LMBR1: variants seen among roughly 807,000 people sequenced by gnomAD.
LMBR1 encodes limb region 1 protein homolog.
LMBR1 carries 52 observed loss-of-function variants against 73.9 expected under a neutral mutation model. The observed-to-expected ratio is 0.70, with a 90% confidence interval of 0.56 to 0.89. The LOEUF (loss-of-function observed/expected upper bound fraction) is 0.89. Among genes scored for constraint, LMBR1 ranks in the 40% least tolerant of loss-of-function variants. LMBR1 has a pLI of 0.00. For synonymous variants in LMBR1, 215 were observed against 209.4 expected (o/e 1.03, Z -0.23); for missense variants, 539 against 579.8 (o/e 0.93, Z 0.72).
rs1257029264 is a variant in LMBR1 at position 156,888,229 on chromosome 7, T to G, written c.66+4699A>C. Among the ~76,000 whole-genome samples, 3 of 151,494 alleles carry G rather than the reference T, an allele frequency of 2.0e-5. No homozygotes were observed. In the East Asian group the frequency reaches 5.9e-4, roughly 30 times the overall value. ...ATCAAGACCTTCCTGGCTAACATGG[T>G]GAAACCCCGTCTCTACTAAAAATAC... is the stretch of plus-strand genomic sequence containing the variant. On this transcript the variant is annotated intron_variant, in intron 1 of 16. Coordinates refer to ENST00000353442, the MANE Select transcript of LMBR1 (RefSeq NM_022458.4).
chr7:156,819,450 GATATA>G (rs1383257776), intron 4 of LMBR1, among the ~76,000 whole-genome samples: 2 of 152,066 alleles, frequency 1.3e-5, no homozygotes, highest in African/African-American at 4.8e-5. Context: ...TATTCCTAAT[GATATA>G]ATTATAATGA....
intron 4 of LMBR1, among the ~76,000 whole-genome samples, chr7:156,799,889 T>C (rs1483522212): frequency 6.6e-6 from 1 of 152,216 alleles, no homozygotes; most frequent in African/African-American, 2.4e-5. Context: ...TTTTGTGCTC[T>C]GGACAGATCA....
chr7:156,671,698 C>G (rs992762663), intron 4 of LMBR1, among the ~76,000 whole-genome samples: 7 of 152,212 alleles, frequency 4.6e-5, no homozygotes, highest in African/African-American at 1.4e-4. Context: ...GAGCACAGTC[C>G]CCAACAGTTA....
chr7:156,860,303 G>A (rs1392164438), intron 1 of LMBR1, among the ~76,000 whole-genome samples: 1 of 152,230 alleles, frequency 6.6e-6, no homozygotes, highest in African/African-American at 2.4e-5. Flanking sequence ...CAGGCAAAGA[G>A]AAGAGTTTGT....
At chr7:156,709,078 CCT>C (rs1450631198) in intron 15 of LMBR1, among the ~76,000 whole-genome samples, 6 of 152,168 alleles carry the variant, frequency 3.9e-5, no homozygotes, top group African/African-American at 1.4e-4. Context: ...TATTTCTCTA[CCT>C]ACCCTGGCAG....
At chr7:156,866,105 T>G (rs1295942874) in intron 1 of LMBR1, among the ~76,000 whole-genome samples, 1 of 149,992 alleles carries the variant, frequency 6.7e-6, no homozygotes, top group South Asian at 2.1e-4. Flanking sequence ...GTCAACAAAA[T>G]TTAACTTTTG....
intron 9 of LMBR1, among the ~76,000 whole-genome samples, chr7:156,752,258 G>A (rs1033801693): frequency 2.6e-5 from 4 of 152,192 alleles, no homozygotes; most frequent in Admixed American, 6.5e-5. Flanking sequence ...TGAAACCCAT[G>A]AGCACACAAC....
At chr7:156,672,887 G>A (rs1177391004), downstream of LMBR1, among the ~76,000 whole-genome samples, 1 of 152,186 alleles carries the variant, frequency 6.6e-6, no homozygotes, top group East Asian at 1.9e-4. Flanking sequence ...AAATGTGATC[G>A]GTAACTTCTA....
At chr7:156,821,457 GATGGGCAGATCT>G (rs1200802515) in intron 4 of LMBR1, among the ~76,000 whole-genome samples, 1 of 152,194 alleles carries the variant, frequency 6.6e-6, no homozygotes, top group Non-Finnish European at 1.5e-5. Flanking sequence ...GAAACTCTCC[GATGGGCAGATCT>G]ATGGGCTGTA....
intron 5 of LMBR1, among the ~76,000 whole-genome samples, chr7:156,790,010 T>C (rs1043176160): frequency 2.6e-5 from 4 of 152,062 alleles, no homozygotes; most frequent in South Asian, 2.1e-4. Flanking sequence ...GCCTGAACTA[T>C]CAAACATTAT....
chr7:156,850,858 T>A (rs1191607912), intron 1 of LMBR1, among the ~76,000 whole-genome samples: 1 of 152,154 alleles, frequency 6.6e-6, no homozygotes, highest in African/African-American at 2.4e-5. Flanking sequence ...CTGTTGGAGG[T>A]GAACCCTGGT....
At chr7:156,672,113 T>C (rs1373617460) in intron 4 of LMBR1, among the ~76,000 whole-genome samples, 1 of 152,186 alleles carries the variant, frequency 6.6e-6, no homozygotes, top group Non-Finnish European at 1.5e-5. Flanking sequence ...AAGCATTTAT[T>C]TGCTTTCTTG....
chr7:156,869,394 C>G (rs776434568), intron 1 of LMBR1, among the ~76,000 whole-genome samples: 4 of 152,064 alleles, frequency 2.6e-5, no homozygotes, highest in Non-Finnish European at 5.9e-5. Context: ...AAAAGGAAGA[C>G]TAACACCAGA....
At chr7:156,827,078 A>G (rs1835834095) in intron 3 of LMBR1, among the ~76,000 whole-genome samples, 1 of 152,194 alleles carries the variant, frequency 6.6e-6, no homozygotes. Context: ...TTATTTCACA[A>G]TTGCATTTAA....
chr7:156,792,116 G>C (rs180703024), intron 5 of LMBR1, among the ~76,000 whole-genome samples: 1 of 152,214 alleles, frequency 6.6e-6, no homozygotes, highest in East Asian at 1.9e-4. Flanking sequence ...TACAAAATCA[G>C]AAAACATCTC....
intron 16 of LMBR1, among the ~76,000 whole-genome samples, chr7:156,687,798 T>G (rs955182652): frequency 5.9e-5 from 9 of 152,204 alleles, no homozygotes; most frequent in African/African-American, 2.2e-4. Flanking sequence ...CTTACAGAAT[T>G]ATTTCCGTTG....
rs753531423 is a variant in LMBR1, at chr7:156,734,157, A to G, written c.838+20T>C. The G allele has an allele frequency of 1.3e-6, 2 of 1,507,438 alleles. No individual in the cohort carries two copies. Among genetic ancestry groups the G allele is most frequent in the East Asian group, 4.5e-5 (2 of 44,214 alleles). The allele number at this position is 1,507,438 out of a possible 1,614,324, so 93.4% of individuals were successfully genotyped here. ...GAAACCAAGGCCAATACACAAGTCA[A>G]GAAAAAAAAAGTACAATACCTAATT... is the stretch of plus-strand genomic sequence containing the variant. On this transcript the variant is annotated intron_variant, in intron 10 of 16. Coordinates refer to ENST00000353442, the MANE Select transcript of LMBR1 (RefSeq NM_022458.4).
chr7:156,865,412 T>C (rs1400462730), intron 1 of LMBR1, among the ~76,000 whole-genome samples: 1 of 152,194 alleles, frequency 6.6e-6, no homozygotes, highest in Admixed American at 6.5e-5. Flanking sequence ...AGCCACAAAA[T>C]ATTATTGAAA....
chr7:156,877,070 C>T (rs557908106), intron 1 of LMBR1, among the ~76,000 whole-genome samples: 1 of 151,972 alleles, frequency 6.6e-6, no homozygotes, highest in African/African-American at 2.4e-5. Context: ...AAAACTGATA[C>T]ACCATTAGCA....
Sources: gnomAD v4.1 joint callset for allele counts (sites outside exome capture counted in the v4.1 genomes callset) on GRCh38, gnomAD v4.1.1 for gene constraint, MANE v1.5 for transcripts, NCBI Gene and HGNC (gene_info 2026-07-23, HGNC 2026-07-21) for gene names.